IL1RAPL2: variants seen among roughly 807,000 people sequenced by gnomAD.
IL1RAPL2 encodes the protein X-linked interleukin-1 receptor accessory protein-like 2.
A neutral mutation model predicts 44.1 loss-of-function variants in IL1RAPL2; 3 were observed. That is an observed-to-expected ratio of 0.07 (90% CI 0.03 to 0.18). The LOEUF is 0.18. Among genes scored for constraint, IL1RAPL2 ranks in the 10% least tolerant of loss-of-function variants. The probability of loss-of-function intolerance (pLI) is 1.00; values close to 1 mark genes in which losing one functional copy is unlikely to be tolerated. For synonymous variants in IL1RAPL2, 181 were observed against 178.8 expected, an observed-to-expected ratio of 1.01 and a Z score of -0.10; for missense variants, 391 against 496.4, an observed-to-expected ratio of 0.79 and a Z score of 2.02.
At position 104,977,041 on chromosome X, in the gene IL1RAPL2, A is replaced by G. The variant is rs752336809; in HGVS notation, c.83-218434A>G. On this transcript the variant is annotated intron_variant, in intron 2 of 10. Transcript: ENST00000372582. ...TGTGTCTCAGGACACTCAATTAATG[A>G]GTGACTTTTCACTGACCACTTAGCC... Among the ~76,000 whole-genome samples, 3 of 111,965 alleles carry G rather than the reference A, an allele frequency of 2.7e-5. No individual in the cohort carries two copies. In the East Asian group the frequency reaches 8.5e-4, roughly 32 times the overall value.
chrX:104,846,075 G>A (rs1050498210), intron 2 of IL1RAPL2, among the ~76,000 whole-genome samples: 4 of 111,545 alleles, frequency 3.6e-5, no homozygotes, highest in African/African-American at 6.5e-5. Context: ...GTATTGGGCC[G>A]ATATCATTTT....
intron 3 of IL1RAPL2, among the ~76,000 whole-genome samples, chrX:105,233,066 G>A (rs1049739993): frequency 3.6e-5 from 4 of 111,803 alleles, no homozygotes; most frequent in South Asian, 3.7e-4. Context: ...GGCGGATCAC[G>A]AGGTCAGCAG....
intron 2 of IL1RAPL2, among the ~76,000 whole-genome samples, chrX:104,733,342 A>G (rs1931956499): frequency 1.8e-5 from 2 of 111,366 alleles, no homozygotes; most frequent in Non-Finnish European, 3.8e-5. Context: ...CTGTAATCCC[A>G]GCACTTTGCG....
Position 105,157,975 on chromosome X carries a change from G to A in IL1RAPL2, c.83-37500G>A, listed in dbSNP as rs774216271. 5.2e-4 allele frequency among the ~76,000 whole-genome samples: 58 copies of A among 112,111 alleles called. 1 individual carries two copies. The highest frequency in any genetic ancestry group is 1.9e-4 in the Admixed American group (2 of 10,625). On this transcript the variant is annotated intron_variant, in intron 2 of 10. Transcript: ENST00000372582. ...TAGAACCAACTTGTTTAAAAAAAGA[G>A]TAGAACTATGGGGCACGGAGGAAAA...
chrX:105,550,433 C>G (rs1028251506), intron 6 of IL1RAPL2, among the ~76,000 whole-genome samples: 3 of 111,832 alleles, frequency 2.7e-5, no homozygotes, highest in Non-Finnish European at 5.6e-5. Context: ...GTCTATCTCC[C>G]AAGAGTGTTG....
chrX:105,518,288 C>G (rs2036530400), intron 6 of IL1RAPL2, among the ~76,000 whole-genome samples: 1 of 110,934 alleles, frequency 9.0e-6, no homozygotes, highest in African/African-American at 3.3e-5. Flanking sequence ...CTACAATTAC[C>G]TCCTTCACCT....
chrX:105,433,999 C>A (rs746495127), intron 5 of IL1RAPL2, among the ~76,000 whole-genome samples: 8 of 110,984 alleles, frequency 7.2e-5, no homozygotes, highest in Non-Finnish European at 1.3e-4. Context: ...CTAACAAACT[C>A]GAATTTATAA....
chrX:104,843,299 G>A (rs926061971), intron 2 of IL1RAPL2, among the ~76,000 whole-genome samples: 6 of 111,827 alleles, frequency 5.4e-5, no homozygotes, highest in African/African-American at 2.0e-4. Flanking sequence ...CTTCTGCACT[G>A]GCTGTGAGAA....
intron 5 of IL1RAPL2, among the ~76,000 whole-genome samples, chrX:105,329,399 A>G (rs780370456): frequency 3.6e-5 from 4 of 111,866 alleles, no homozygotes; most frequent in African/African-American, 1.3e-4. Context: ...TTGGGCCTGA[A>G]TTTGTATCTC....
intron 6 of IL1RAPL2, among the ~76,000 whole-genome samples, chrX:105,613,295 AG>A (rs1212281722): frequency 4.5e-5 from 5 of 112,089 alleles, no homozygotes; most frequent in African/African-American, 1.6e-4. Flanking sequence ...CTGACTAAAA[AG>A]CCGTTAGGCC....
At chrX:104,626,969 C>T (rs1929519582) in intron 1 of IL1RAPL2, among the ~76,000 whole-genome samples, 1 of 109,085 alleles carries the variant, frequency 9.2e-6, no homozygotes, top group African/African-American at 3.3e-5. Context: ...CAGGCACGCA[C>T]CAACACACCC....
At chrX:105,465,038 C>T (rs1233813552) in intron 5 of IL1RAPL2, among the ~76,000 whole-genome samples, 2 of 112,060 alleles carry the variant, frequency 1.8e-5, no homozygotes, top group Non-Finnish European at 3.8e-5. Context: ...TTTTCCTCAT[C>T]AACATCATAA....
intron 6 of IL1RAPL2, among the ~76,000 whole-genome samples, chrX:105,594,291 A>G (rs1311423275): frequency 8.9e-6 from 1 of 112,218 alleles, no homozygotes. Context: ...TATAAAGCAT[A>G]GGTTTGGTTT....
intron 6 of IL1RAPL2, among the ~76,000 whole-genome samples, chrX:105,579,056 A>G (rs2037070672): frequency 8.9e-6 from 1 of 111,806 alleles, no homozygotes; most frequent in Non-Finnish European, 1.9e-5. Flanking sequence ...TGTCTTGTGC[A>G]TGAGCTTTCC....
chrX:104,927,952 C>T (rs1232114376), intron 2 of IL1RAPL2, among the ~76,000 whole-genome samples: 4 of 112,060 alleles, frequency 3.6e-5, no homozygotes, highest in Non-Finnish European at 7.5e-5. Flanking sequence ...GGTGTATCTC[C>T]AGTGTATAAG....
chrX:104,771,384 C>A (rs1032751197), intron 2 of IL1RAPL2, among the ~76,000 whole-genome samples: 1 of 112,301 alleles, frequency 8.9e-6, no homozygotes, highest in Non-Finnish European at 1.9e-5. Context: ...TCTTCGTCAG[C>A]CTTTGAGGCT....
chrX:104,991,226 A>G (rs1159616654), intron 2 of IL1RAPL2, among the ~76,000 whole-genome samples: 1 of 111,697 alleles, frequency 9.0e-6, no homozygotes, highest in Non-Finnish European at 1.9e-5. Flanking sequence ...CAAGATAGTA[A>G]TACATTAGTA....
intron 2 of IL1RAPL2, among the ~76,000 whole-genome samples, chrX:104,893,901 G>T (rs1418821678): frequency 2.7e-5 from 3 of 111,718 alleles, no homozygotes; most frequent in South Asian, 3.8e-4. Context: ...TTAAAATTTG[G>T]CATGTTTTTG....
At chrX:104,813,569 C>T (rs1181198498) in intron 2 of IL1RAPL2, among the ~76,000 whole-genome samples, 1 of 111,430 alleles carries the variant, frequency 9.0e-6, no homozygotes, top group Non-Finnish European at 1.9e-5. Flanking sequence ...CTGCTATATG[C>T]CGAGTTTTTT....
Sources: gnomAD v4.1 joint callset for allele counts (sites outside exome capture counted in the v4.1 genomes callset) on GRCh38, gnomAD v4.1.1 for gene constraint, MANE v1.5 for transcripts, NCBI Gene and HGNC (gene_info 2026-07-23, HGNC 2026-07-21) for gene names.